The following ABCB1 variants were observed in gnomAD, a reference collection of about 807,000 sequenced individuals.
ABCB1 encodes the protein ATP binding cassette subfamily B member 1.
In ABCB1, 69 loss-of-function variants were observed where a neutral mutation model predicts 142.0. The ratio of observed to expected loss-of-function variants is 0.49; its 90% confidence interval spans 0.40 to 0.59. The LOEUF (loss-of-function observed/expected upper bound fraction) is 0.59. Among genes scored for constraint, ABCB1 ranks in the 20% least tolerant of loss-of-function variants. The pLI is 0.00. For synonymous variants in ABCB1, 532 were observed against 539.2 expected, an observed-to-expected ratio of 0.99 and a Z score of 0.18; for missense variants, 1,326 against 1,554.7, an observed-to-expected ratio of 0.85 and a Z score of 2.47.
chr7:87,699,010 G>A (rs1266497533), intron 1 of ABCB1, among the ~76,000 whole-genome samples: 2 of 152,100 alleles, frequency 1.3e-5, no homozygotes, highest in Non-Finnish European at 2.9e-5. Flanking sequence ...TTCCCCTAAA[G>A]ATTTTGATTA....
intron 1 of ABCB1, among the ~76,000 whole-genome samples, chr7:87,669,996 C>T (rs1254317056): frequency 2.0e-5 from 3 of 152,128 alleles, no homozygotes; most frequent in African/African-American, 7.2e-5. Flanking sequence ...TCTGTATTTT[C>T]TGAATTTAAC....
At chr7:87,601,326 T>G (rs1819449227), upstream of ABCB1, among the ~76,000 whole-genome samples, 1 of 152,198 alleles carries the variant, frequency 6.6e-6, no homozygotes, top group South Asian at 2.1e-4. Context: ...TCTGCAGTGG[T>G]CTTTCTTCAG....
intron 1 of ABCB1, chr7:87,628,675 C>T: frequency 2.2e-6 from 1 of 449,090 alleles, no homozygotes; most frequent in Non-Finnish European, 3.6e-6. Flanking sequence ...CGAGTCCCTG[C>T]TGTCTTCCAC....
rs561232219 is a variant in ABCB1, at chr7:87,631,865, T to C, written c.-330-30787A>G. ...CATTTTTGTTGTCTGTAAAATAATA[T>C]TGGACTAGATCATTGTTAACCTTCA... On this transcript the variant is annotated intron_variant, in intron 1 of 28. Coordinates refer to the ABCB1 transcript ENST00000265724. 4.6e-5 allele frequency among the ~76,000 whole-genome samples: 7 copies of C among 152,280 alleles called. No homozygotes were observed. In the South Asian group the frequency reaches 1.5e-3, roughly 32 times the overall value.
At chr7:87,685,795 C>G (rs1377875464) in intron 1 of ABCB1, among the ~76,000 whole-genome samples, 1 of 152,158 alleles carries the variant, frequency 6.6e-6, no homozygotes, top group Non-Finnish European at 1.5e-5. Flanking sequence ...ATAGCAACAG[C>G]AAATTTACTA....
chr7:87,518,896 T>C (rs28401783), intron 23 of ABCB1: 113 of 169,078 alleles, frequency 6.7e-4, no homozygotes, highest in African/African-American at 2.6e-3. Context: ...AATTCCTCTC[T>C]TATCAAGGGA....
chr7:87,634,226 C>T (rs1821511612), intron 1 of ABCB1, among the ~76,000 whole-genome samples: 6 of 152,100 alleles, frequency 3.9e-5, no homozygotes, highest in Admixed American at 3.9e-4. Flanking sequence ...TCCTGCTAGG[C>T]CCCACCTCCC....
chr7:87,683,554 G>A (rs938148847), intron 1 of ABCB1, among the ~76,000 whole-genome samples: 1 of 152,186 alleles, frequency 6.6e-6, no homozygotes, highest in Non-Finnish European at 1.5e-5. Context: ...AGGAGAAAGA[G>A]AGAGATGGGA....
chr7:87,663,717 C>T (rs1042710092), intron 1 of ABCB1, among the ~76,000 whole-genome samples: 1 of 152,078 alleles, frequency 6.6e-6, no homozygotes, highest in Non-Finnish European at 1.5e-5. Context: ...AGTACTATAA[C>T]AAAATACTAC....
intron 20 of ABCB1, among the ~76,000 whole-genome samples, chr7:87,532,930 G>A (rs1346408022): frequency 6.6e-6 from 1 of 151,966 alleles, no homozygotes; most frequent in South Asian, 2.1e-4. Flanking sequence ...TTTAACACCT[G>A]TCTGATATAA....
intron 1 of ABCB1, among the ~76,000 whole-genome samples, chr7:87,624,029 GA>G (rs1435844010): frequency 6.6e-5 from 10 of 152,130 alleles, no homozygotes; most frequent in Non-Finnish European, 1.3e-4. Flanking sequence ...TGATCTGCAG[GA>G]GTATTTTATA....
intron 7 of ABCB1, among the ~76,000 whole-genome samples, chr7:87,564,381 T>G (rs527715511): frequency 1.3e-5 from 2 of 151,688 alleles, no homozygotes; most frequent in South Asian, 4.2e-4. Context: ...CTTGAGGGAG[T>G]GAAAGTGGTT....
At chr7:87,545,031 T>C in intron 15 of ABCB1, 32 bp from the exon 16 acceptor site, 1 of 1,597,274 alleles carries the variant, frequency 6.3e-7, no homozygotes, top group Non-Finnish European at 8.6e-7. Flanking sequence ...CAAAAGCTCA[T>C]TAGGCTGTGT....
At chr7:87,596,184 C>G (rs1210022389) in intron 2 of ABCB1, among the ~76,000 whole-genome samples, 2 of 152,102 alleles carry the variant, frequency 1.3e-5, no homozygotes, top group African/African-American at 4.8e-5. Flanking sequence ...ATCATTCATG[C>G]TTCCCCTTAA....
intron 16 of ABCB1, among the ~76,000 whole-genome samples, chr7:87,544,543 G>A (rs1350445070): frequency 1.3e-5 from 2 of 152,152 alleles, no homozygotes; most frequent in Non-Finnish European, 2.9e-5. Flanking sequence ...CTCAGAACCT[G>A]ACAAGAGTAT....
intron 1 of ABCB1, among the ~76,000 whole-genome samples, chr7:87,701,863 G>T (rs972073223): frequency 3.4e-4 from 52 of 152,060 alleles, no homozygotes; most frequent in African/African-American, 1.3e-3. Flanking sequence ...AGAGATACTG[G>T]CCGGGCGCGG....
At chr7:87,601,069 T>C (rs1292134614), upstream of ABCB1, 1 of 152,174 alleles carries the variant, frequency 6.6e-6, no homozygotes, top group East Asian at 1.9e-4. Context: ...CTGGCTTCCG[T>C]TGCACCTCTC....
At chr7:87,677,373 A>G (rs1435239758) in intron 1 of ABCB1, among the ~76,000 whole-genome samples, 1 of 152,032 alleles carries the variant, frequency 6.6e-6, no homozygotes, top group Non-Finnish European at 1.5e-5. Flanking sequence ...ATTTGCAGTA[A>G]CAGATGAACC....
At chr7:87,578,359 G>GT (rs1409363644) in intron 4 of ABCB1, among the ~76,000 whole-genome samples, 1 of 152,134 alleles carries the variant, frequency 6.6e-6, no homozygotes, top group Non-Finnish European at 1.5e-5. Flanking sequence ...GATTTCTCCA[G>GT]TTTTGTTCTT....
Sources: allele counts gnomAD v4.1 joint callset (sites outside exome capture counted in the v4.1 genomes callset), GRCh38; gene constraint gnomAD v4.1.1; transcripts MANE v1.5; gene names NCBI Gene and HGNC (gene_info 2026-07-23, HGNC 2026-07-21).